The following IQCJ variants were observed in gnomAD, a reference collection of about 807,000 sequenced individuals.
The protein encoded by IQCJ is IQ motif containing J, also known as IQ domain-containing protein J.
A neutral mutation model predicts 11.0 loss-of-function variants in IQCJ; 9 were observed. The ratio of observed to expected loss-of-function variants is 0.82; its 90% CI spans 0.49 to 1.43. The LOEUF (loss-of-function observed/expected upper bound fraction) is 1.43, where lower values mean the gene tolerates loss of function less well. IQCJ is among the 40% of genes most tolerant of loss of function. The pLI is 0.00. For synonymous variants in IQCJ, 55 were observed against 51.3 expected (o/e 1.07, Z -0.31); for missense variants, 146 against 133.2 (o/e 1.10, Z -0.47).
chr3:159,206,067 G>A (rs1401108929), intron 1 of IQCJ, among the ~76,000 whole-genome samples: 1 of 152,118 alleles, frequency 6.6e-6, no homozygotes, highest in African/African-American at 2.4e-5. Context: ...AGAGATGGGA[G>A]TGTTAGCCTG....
At chr3:159,194,408 A>G (rs1723862840) in intron 1 of IQCJ, among the ~76,000 whole-genome samples, 1 of 152,130 alleles carries the variant, frequency 6.6e-6, no homozygotes, top group Admixed American at 6.5e-5. Flanking sequence ...TTGCTATGAT[A>G]ATTGTACCCA....
At chr3:159,182,638 C>G (rs1323257630) in intron 1 of IQCJ, among the ~76,000 whole-genome samples, 1 of 151,866 alleles carries the variant, frequency 6.6e-6, no homozygotes, top group African/African-American at 2.4e-5. Flanking sequence ...ATTGAGCAAG[C>G]AGGGGGTACG....
chr3:159,164,484 C>T (rs1722052891), intron 1 of IQCJ, among the ~76,000 whole-genome samples: 1 of 152,164 alleles, frequency 6.6e-6, no homozygotes, highest in South Asian at 2.1e-4. Context: ...TTAGGTTCAG[C>T]TCTCCAGGCG....
chr3:159,145,735 A>G, intron 1 of IQCJ, among the ~76,000 whole-genome samples: 1 of 152,164 alleles, frequency 6.6e-6, no homozygotes, highest in Non-Finnish European at 1.5e-5. Flanking sequence ...CCTATATTCC[A>G]GGCTCCAGCT....
chr3:159,109,486 G>T (rs1047697970), intron 1 of IQCJ, among the ~76,000 whole-genome samples: 3 of 97,284 alleles, frequency 3.1e-5, no homozygotes, highest in Non-Finnish European at 6.2e-5. Flanking sequence ...CAAAAGTTAA[G>T]AAAGCACATA....
At chr3:159,101,372 T>G (rs182907414) in intron 1 of IQCJ, among the ~76,000 whole-genome samples, 1 of 152,220 alleles carries the variant, frequency 6.6e-6, no homozygotes, top group East Asian at 1.9e-4. Context: ...CTGTTCCTAT[T>G]CGGCCATCTT....
intron 1 of IQCJ, among the ~76,000 whole-genome samples, chr3:159,178,243 C>T (rs1480430785): frequency 1.3e-5 from 2 of 152,080 alleles, no homozygotes; most frequent in African/African-American, 4.8e-5. Flanking sequence ...GAATGGCTTG[C>T]TACTAGCAGC....
At chr3:159,164,436 A>C (rs952769144) in intron 1 of IQCJ, among the ~76,000 whole-genome samples, 1 of 152,182 alleles carries the variant, frequency 6.6e-6, no homozygotes, top group African/African-American at 2.4e-5. Context: ...ACTCTCAGTC[A>C]AGCTTTGCTT....
At chr3:159,184,270 C>G (rs1345167617) in intron 1 of IQCJ, among the ~76,000 whole-genome samples, 2 of 152,044 alleles carry the variant, frequency 1.3e-5, no homozygotes, top group Admixed American at 6.6e-5. Flanking sequence ...ATTCTTTACC[C>G]TATCTGAAAC....
chr3:159,208,919 A>G (rs1022618624), intron 1 of IQCJ, among the ~76,000 whole-genome samples: 2 of 152,192 alleles, frequency 1.3e-5, no homozygotes, highest in East Asian at 1.9e-4. Flanking sequence ...AAAGAAATAC[A>G]TTGGAATGAT....
chr3:159,141,490 A>G (rs1720601220), intron 1 of IQCJ, among the ~76,000 whole-genome samples: 1 of 152,244 alleles, frequency 6.6e-6, no homozygotes, highest in African/African-American at 2.4e-5. Flanking sequence ...AATTTTGACA[A>G]TCAAGATGAA....
At chr3:159,091,920 ATAGAAT>A (rs1717339080) in intron 1 of IQCJ, among the ~76,000 whole-genome samples, 1 of 151,928 alleles carries the variant, frequency 6.6e-6, no homozygotes, top group African/African-American at 2.4e-5. Flanking sequence ...AGAAGGAATA[ATAGAAT>A]TAGATAATAA....
At chr3:159,151,320 G>A (rs1424569537) in intron 1 of IQCJ, among the ~76,000 whole-genome samples, 2 of 152,204 alleles carry the variant, frequency 1.3e-5, no homozygotes, top group Non-Finnish European at 2.9e-5. Context: ...GTGCTTCGGA[G>A]GCCAGCACTT....
At chr3:159,174,869 T>C (rs538854712) in intron 1 of IQCJ, among the ~76,000 whole-genome samples, 1 of 152,314 alleles carries the variant, frequency 6.6e-6, no homozygotes, top group East Asian at 1.9e-4. Context: ...TATCTCACCA[T>C]AAATATGTCT....
chr3:159,147,542 T>C (rs1405717335), intron 1 of IQCJ, among the ~76,000 whole-genome samples: 1 of 152,202 alleles, frequency 6.6e-6, no homozygotes, highest in Non-Finnish European at 1.5e-5. Context: ...ACCTAGATCC[T>C]GAAACATCCT....
chr3:159,263,089 G>A lies in IQCJ; in HGVS notation c.*358G>A, dbSNP rs944937365. On this transcript the variant is annotated 3_prime_UTR_variant, in exon 4 of 4. Coordinates refer to ENST00000397832, the MANE Select transcript of IQCJ (RefSeq NM_001042706.3). ...ACTTTTACCAGAAGAATTGAAAGTGGTCACACACTCAGGGGTTGCAACTTA... is the reference window on the plus strand; with the variant it reads ...ACTTTTACCAGAAGAATTGAAAGTGATCACACACTCAGGGGTTGCAACTTA... The A allele has an allele frequency of 1.9e-5, 19 of 995,224 alleles. No individual in the cohort carries two copies. The highest frequency in any genetic ancestry group is 1.6e-5 in the Non-Finnish European group (13 of 835,472). The allele number at this position is 995,224 out of a possible 1,614,324, so 61.6% of individuals were successfully genotyped here.
intron 1 of IQCJ, among the ~76,000 whole-genome samples, chr3:159,108,752 A>G (rs1307999325): frequency 6.6e-6 from 1 of 152,244 alleles, no homozygotes; most frequent in African/African-American, 2.4e-5. Context: ...ATACTTTCAT[A>G]TGCCTACCAC....
chr3:159,199,508 G>T (rs942439581), intron 1 of IQCJ, among the ~76,000 whole-genome samples: 2 of 152,112 alleles, frequency 1.3e-5, no homozygotes, highest in Non-Finnish European at 2.9e-5. Flanking sequence ...AACTGTAAAA[G>T]AATAAATTTG....
chr3:159,142,431 C>T (rs537573629), intron 1 of IQCJ, among the ~76,000 whole-genome samples: 22 of 129,804 alleles, frequency 1.7e-4, no homozygotes, highest in African/African-American at 5.4e-4. Flanking sequence ...TTTCCCCCCC[C>T]CACCAGATGG....
Sources: allele counts gnomAD v4.1 joint callset (sites outside exome capture counted in the v4.1 genomes callset), GRCh38; gene constraint gnomAD v4.1.1; transcripts MANE v1.5; gene names NCBI Gene and HGNC (gene_info 2026-07-23, HGNC 2026-07-21).